The following NOMO3 variants were observed in gnomAD, a reference collection of about 807,000 sequenced individuals.
NOMO3 encodes the protein BOS complex subunit NOMO3.
Under a neutral mutation model 69.9 loss-of-function variants are expected in NOMO3, and 15 were observed. That is an observed-to-expected ratio of 0.21 (90% CI 0.14 to 0.33). NOMO3 has a LOEUF of 0.33. Ranked by LOEUF, NOMO3 falls within the 10% of genes least tolerant of loss-of-function variation. The pLI, the probability that NOMO3 is intolerant of heterozygous loss-of-function variation, is 1.00. For missense variants in NOMO3, 218 were observed against 761.0 expected (o/e 0.29, Z 8.39); for synonymous variants, 89 against 301.9 (o/e 0.29, Z 7.31).
chr16:16,235,559 C>G (rs1256233352), intron 1 of NOMO3, among the ~76,000 whole-genome samples: 1 of 146,562 alleles, frequency 6.8e-6, no homozygotes, highest in Non-Finnish European at 1.5e-5. Context: ...CACTGTTGCT[C>G]AGGCTGGAGT....
chr16:16,266,355 G>C (rs897220537), intron 15 of NOMO3, among the ~76,000 whole-genome samples: 6 of 129,888 alleles, frequency 4.6e-5, no homozygotes, highest in African/African-American at 2.1e-4. Context: ...TCCAGCAGTG[G>C]AGTGGATTTC....
intron 1 of NOMO3, among the ~76,000 whole-genome samples, chr16:16,235,449 T>C (rs1596796081): frequency 6.7e-6 from 1 of 149,266 alleles, no homozygotes; most frequent in East Asian, 2.0e-4. Flanking sequence ...CGTATTACAC[T>C]GTGTTGCCTT....
intron 15 of NOMO3, among the ~76,000 whole-genome samples, chr16:16,265,611 C>G (rs2049606083): frequency 8.3e-6 from 1 of 121,074 alleles, no homozygotes; most frequent in Non-Finnish European, 1.6e-5. Flanking sequence ...GTGTACACCG[C>G]TCTGTACTGC....
At chr16:16,273,934 A>G (rs1208981536) in intron 19 of NOMO3, 27 bp downstream of exon 19, 2 of 1,446,896 alleles carry the variant, frequency 1.4e-6, no homozygotes, top group East Asian at 5.6e-5. Flanking sequence ...GTTTCCCTAC[A>G]GTGTCCTCTG....
chr16:16,265,680 T>A (rs1159593763), intron 15 of NOMO3, among the ~76,000 whole-genome samples: 21 of 40,250 alleles, frequency 5.2e-4, no homozygotes, highest in African/African-American at 2.3e-3. Flanking sequence ...ATTTTTTTTT[T>A]TTTTTTTTTT....
intron 1 of NOMO3, chr16:16,235,950 C>T (rs1422405951): frequency 7.6e-6 from 3 of 394,278 alleles, no homozygotes; most frequent in African/African-American, 2.3e-5. Flanking sequence ...GGCCACGCAA[C>T]ACGTGGAAGA....
At chr16:16,265,636 T>TGA (rs2049606939) in intron 15 of NOMO3, among the ~76,000 whole-genome samples, 2 of 85,594 alleles carry the variant, frequency 2.3e-5, no homozygotes, top group Admixed American at 2.5e-4. Flanking sequence ...TGAGTTTCTC[T>TGA]GATATATATA....
At chr16:16,235,306 C>T (rs2141244803) in intron 1 of NOMO3, among the ~76,000 whole-genome samples, 1 of 150,292 alleles carries the variant, frequency 6.7e-6, no homozygotes, top group African/African-American at 2.5e-5. Context: ...AGAGCATTAA[C>T]ATTTTGGAGG....
rs1555527139 is a variant in NOMO3 at position 16,274,259 on chromosome 16, T to TTGGGTGGATGGA, written c.2356+187_2356+188insGTGGATGGATGG. Among the ~76,000 whole-genome samples the TTGGGTGGATGGA allele has an allele frequency of 4.3e-5, 5 of 117,378 alleles. 1 individual carries two copies. Among genetic ancestry groups the TTGGGTGGATGGA allele is most frequent in the Non-Finnish European group, 8.6e-5 (5 of 57,994 alleles). The allele number at this position is 117,378 out of a possible 152,430, so 77.0% of individuals were successfully genotyped here. ...ATGGATGGATGGATGGATGGTTGGG[T>TTGGGTGGATGGA]TGGATGGATGGATGGATGGATGGAT... On this transcript the variant is annotated intron_variant, in intron 20 of 30. Transcript: ENST00000399336.
intron 1 of NOMO3, 90 bp downstream of exon 1, chr16:16,232,921 CG>C (rs1246785461): frequency 7.2e-5 from 10 of 138,660 alleles, no homozygotes; most frequent in Non-Finnish European, 1.1e-4. Context: ...TGACACCGGG[CG>C]GTGTGGAGTC....
chr16:16,262,995 T>G, intron 12 of NOMO3, 79 bp from the exon 13 acceptor site: 1 of 1,556,318 alleles, frequency 6.4e-7, no homozygotes, highest in Non-Finnish European at 8.6e-7. Context: ...TGGTCCCAGA[T>G]GAATGTTCTA....
rs1370864099 is a variant in NOMO3 at position 16,240,178 on chromosome 16, A to G, written c.301+282A>G. On this transcript the variant is annotated intron_variant, in intron 3 of 30. Transcript: ENST00000399336. ...AGTTTCACTCATTACGTGGCCGTGGAACAGTATAGAAATCAAGAGTGGGGA... is the reference window on the plus strand; with the variant it reads ...AGTTTCACTCATTACGTGGCCGTGGGACAGTATAGAAATCAAGAGTGGGGA... 2.1e-5 allele frequency among the ~76,000 whole-genome samples: 3 copies of G among 144,518 alleles called. 1 individual carries two copies. Among genetic ancestry groups the G allele is most frequent in the Admixed American group, 2.0e-4 (3 of 14,820 alleles). 94.8% of individuals were successfully genotyped at this position (144,518 alleles called of 152,430 possible).
intron 15 of NOMO3, among the ~76,000 whole-genome samples, chr16:16,265,859 T>G (rs1442185005): frequency 4.3e-5 from 6 of 138,294 alleles, no homozygotes; most frequent in Admixed American, 4.1e-4. Flanking sequence ...TTTTTTCTTT[T>G]TTTTTTGTAT....
At chr16:16,265,671 T>TATATATTTTA (rs1441759344) in intron 15 of NOMO3, among the ~76,000 whole-genome samples, 1 of 11,552 alleles carries the variant, frequency 8.7e-5, no homozygotes, top group Non-Finnish European at 1.4e-4. Flanking sequence ...TATATATATA[T>TATATATTTTA]TTTTTTTTTT....
At chr16:16,261,455 G>C (rs1352463681) in intron 11 of NOMO3, 47 bp from the exon 12 acceptor site, 1 of 1,563,522 alleles carries the variant, frequency 6.4e-7, no homozygotes, top group Non-Finnish European at 8.6e-7. Flanking sequence ...AGCCTTTCCT[G>C]TTATAATTGA....
chr16:16,263,310 T>C, intron 13 of NOMO3, 95 bp downstream of exon 13: 2 of 1,591,804 alleles, frequency 1.3e-6, no homozygotes, highest in Non-Finnish European at 1.7e-6. Context: ...CTTTGTTGTT[T>C]GCTACTGATC....
At chr16:16,239,458 A>G (rs1294791477) in intron 2 of NOMO3, among the ~76,000 whole-genome samples, 3 of 146,866 alleles carry the variant, frequency 2.0e-5, no homozygotes, top group African/African-American at 8.0e-5. Flanking sequence ...GCCTGGCCAA[A>G]TCTAGTTTTA....
Position 16,265,350 on chromosome 16 carries a change from T to A in NOMO3, c.1806+171T>A. The stretch of plus-strand genomic sequence containing the variant: ...ATAATCAGGAAGCATTTATACTCTC[T>A]CAGTGGAAGGACCCCTGTATTTAGG... On this transcript the variant is annotated intron_variant, in intron 15 of 30. Transcript: ENST00000399336. 4.9e-6 allele frequency: 5 copies of A among 1,017,626 alleles called. 1 individual carries two copies. The highest frequency in any genetic ancestry group is 5.6e-6 in the Non-Finnish European group (4 of 714,984). The allele number at this position is 1,017,626 out of a possible 1,614,324, so 63.0% of individuals were successfully genotyped here. A position where few individuals can be genotyped will look rare whatever the true frequency, so the allele number is the denominator to read the frequency against.
intron 1 of NOMO3, among the ~76,000 whole-genome samples, chr16:16,234,853 T>G (rs919895249): frequency 6.6e-6 from 1 of 152,084 alleles, no homozygotes; most frequent in Non-Finnish European, 1.5e-5. Flanking sequence ...TTGCTAATAC[T>G]TTAACAATCA....
Sources: allele counts gnomAD v4.1 joint callset (sites outside exome capture counted in the v4.1 genomes callset), GRCh38; gene constraint gnomAD v4.1.1; transcripts MANE v1.5; gene names NCBI Gene and HGNC (gene_info 2026-07-23, HGNC 2026-07-21).